Variants in COL27A1 observed in about 807,000 individuals in gnomAD.
COL27A1 encodes the protein collagen alpha-1(XXVII) chain.
COL27A1 carries 106 observed loss-of-function variants against 251.3 expected under a neutral mutation model. The ratio of observed to expected loss-of-function variants is 0.42; its 90% CI spans 0.36 to 0.50. The LOEUF (loss-of-function observed/expected upper bound fraction) is 0.50, where lower values mean the gene tolerates loss of function less well. Among genes scored for constraint, COL27A1 ranks in the 20% least tolerant of loss-of-function variants. The probability of loss-of-function intolerance (pLI) is 0.00; values close to 1 mark genes in which losing one functional copy is unlikely to be tolerated. For missense variants in COL27A1, 2,325 were observed against 2,522.8 expected, an observed-to-expected ratio of 0.92 and a Z score of 1.68; for synonymous variants, 1,000 against 986.3, an observed-to-expected ratio of 1.01 and a Z score of -0.26.
intron 19 of COL27A1, among the ~76,000 whole-genome samples, chr9:114,239,626 A>G (rs1023410275): frequency 1.3e-5 from 2 of 152,196 alleles, no homozygotes; most frequent in Admixed American, 6.5e-5. Flanking sequence ...ATGTGGGAAG[A>G]ACCTTCTATT....
At position 114,290,916 on chromosome 9, in the gene COL27A1, A is replaced by C; in HGVS notation, c.4475A>C (p.Lys1492Thr). Reference protein sequence around the residue: ...LPGAQGPPGFKGESGLPGQLG... With the variant: ...LPGAQGPPGFTGESGLPGQLG... ...GGAGCACAGGGACCCCCAGGATTCA[A>C]GGTCAGATACCTCTTAATACACTTA... The change falls in exon 48 of 61, where the codon AAG becomes ACG. Residue 1492 changes from lysine (K) to threonine (T), a missense_variant and splice_region_variant. This residue lies in a region of COL27A1 where 153 missense variants were observed against 140.7 expected (regional missense o/e 1.09). Coordinates refer to ENST00000356083, the MANE Select transcript of COL27A1 (RefSeq NM_032888.4). This position sits in a 1 kb window ranked among gnomAD's most constrained non-coding sequence, Gnocchi z 4.6. The C allele has an allele frequency of 6.5e-7, 1 of 1,549,354 alleles. No individual in the cohort carries two copies. The highest frequency in any genetic ancestry group is 1.4e-5 in the African/African-American group (1 of 73,126).
At chr9:114,209,895 G>A (rs2135329783) in intron 11 of COL27A1, among the ~76,000 whole-genome samples, 167 bp downstream of exon 11, 1 of 152,326 alleles carries the variant, frequency 6.6e-6, no homozygotes, top group South Asian at 2.1e-4. Flanking sequence ...ATGCATTCCA[G>A]GCATAGGGAA....
chr9:114,199,265 C>T (rs1191756614), intron 7 of COL27A1, among the ~76,000 whole-genome samples: 1 of 152,130 alleles, frequency 6.6e-6, no homozygotes, highest in Non-Finnish European at 1.5e-5. Context: ...GAGGGAGGTG[C>T]TACTGGCTTC....
chr9:114,168,503 C>A lies in COL27A1; in HGVS notation c.948C>A (p.Gly316=). Residue 316 remains glycine (G), a synonymous_variant, in exon 3 of 61, where the codon GGC becomes GGA. Transcript: ENST00000356083. ...CTCACCAGCATATGGCGGTGGGAGG[C>A]CCAGCCCAAACCCCGCTGCTACCTG... ...TNPHQHMAVG[G]PAQTPLLPAK... is the part of the protein sequence containing the mutation. The A allele has an allele frequency of 6.2e-7, 1 of 1,613,968 alleles. No homozygotes were observed. The highest frequency in any genetic ancestry group is 8.5e-7 in the Non-Finnish European group (1 of 1,179,898).
chr9:114,281,956 A>G (rs1056875010), intron 37 of COL27A1, among the ~76,000 whole-genome samples: 2 of 152,180 alleles, frequency 1.3e-5, no homozygotes, highest in Admixed American at 6.5e-5. Context: ...GATGCCTAAC[A>G]GTAACCATGA....
intron 23 of COL27A1, among the ~76,000 whole-genome samples, chr9:114,244,069 G>A (rs78898661): frequency 0.067 from 10,178 of 152,082 alleles, 861 homozygotes; most frequent in East Asian, 0.48. Context: ...GGGACTACAG[G>A]TGTGCAGCAC....
intron 59 of COL27A1, 37 bp from the exon 60 acceptor site, chr9:114,309,223 G>T: frequency 6.3e-7 from 1 of 1,584,570 alleles, no homozygotes. Context: ...GGTGTGGGGG[G>T]CAGCCTGAGC....
chr9:114,258,472 C>G, intron 27 of COL27A1, 69 bp from the exon 28 acceptor site: 1 of 1,493,066 alleles, frequency 6.7e-7, no homozygotes, highest in Non-Finnish European at 9.2e-7. Flanking sequence ...TTGCCCCACA[C>G]TCCCAGCCCC....
chr9:114,226,901 T>C lies in COL27A1; in HGVS notation c.2467-4178T>C, dbSNP rs542863234. Among the ~76,000 whole-genome samples the C allele has an allele frequency of 2.0e-5, 3 of 152,250 alleles. No homozygotes were observed. The East Asian group carries it at 5.8e-4, about 29-fold the overall frequency. On this transcript the variant is annotated intron_variant, in intron 14 of 60. Transcript: ENST00000356083. ...AGGCACACGCAGAAAGGATGGTCAG[T>C]GTCAGAAGGGCCCTGAGCGAGAGGC...
At chr9:114,247,518 G>T (rs948779106) in intron 24 of COL27A1, among the ~76,000 whole-genome samples, 3 of 152,228 alleles carry the variant, frequency 2.0e-5, no homozygotes, top group African/African-American at 7.2e-5. Flanking sequence ...TTGGCAATCT[G>T]GGATTTATGG....
At chr9:114,275,025 A>C (rs879283273) in intron 36 of COL27A1, among the ~76,000 whole-genome samples, 2 of 149,218 alleles carry the variant, frequency 1.3e-5, no homozygotes, top group Non-Finnish European at 3.0e-5. Context: ...CAGCAGTTGG[A>C]GACCAGCCTG....
Position 114,275,681 on chromosome 9 carries a change from G to C in COL27A1, c.3630G>C (p.Gly1210=), listed in dbSNP as rs756863578. The C allele has an allele frequency of 7.7e-6, 12 of 1,550,134 alleles. No individual in the cohort carries two copies. The Admixed American group carries it at 2.0e-4, about 25-fold the overall frequency. ...CCCAGGGGGACAGGGGAGACCCAGG[G>C]CCTGATGGAGAACATGGCGAGAAAG... is the stretch of plus-strand genomic sequence containing the variant. ...DGLKGDRGDP[G]PDGEHGEKGQ... Residue 1210 remains glycine, a synonymous_variant, in exon 37 of 61, where the codon GGG becomes GGC. Coordinates refer to ENST00000356083, the MANE Select transcript of COL27A1 (RefSeq NM_032888.4).
intron 15 of COL27A1, 119 bp from the exon 16 acceptor site, chr9:114,231,703 T>G: frequency 1.0e-6 from 1 of 982,798 alleles, no homozygotes; most frequent in South Asian, 1.4e-5. Flanking sequence ...TTTACAGATG[T>G]GAACACTGAG....
At chr9:114,159,741 A>G (rs1472475917) in intron 1 of COL27A1, among the ~76,000 whole-genome samples, 1 of 152,226 alleles carries the variant, frequency 6.6e-6, no homozygotes, top group Non-Finnish European at 1.5e-5. Flanking sequence ...CCTAGAAAGC[A>G]TGTCCCTGGT....
intron 52 of COL27A1, 61 bp from the exon 53 acceptor site, chr9:114,301,223 C>T: frequency 6.2e-7 from 1 of 1,610,018 alleles, no homozygotes; most frequent in Non-Finnish European, 8.5e-7. Context: ...CCTCAGTTTC[C>T]TCATCTGGAA....
intron 41 of COL27A1, among the ~76,000 whole-genome samples, chr9:114,286,249 A>G (rs1030065831): frequency 6.6e-6 from 1 of 152,132 alleles, no homozygotes; most frequent in African/African-American, 2.4e-5. Context: ...CCCATTGAGC[A>G]CACGCCCACG....
chr9:114,263,061 C>T (rs538580314), intron 28 of COL27A1, among the ~76,000 whole-genome samples: 1 of 151,200 alleles, frequency 6.6e-6, no homozygotes, highest in East Asian at 2.0e-4. Context: ...ACTTCAGCCG[C>T]CTGAGTAGCT....
chr9:114,181,768 T>A (rs1000556911), intron 4 of COL27A1, among the ~76,000 whole-genome samples: 10 of 151,988 alleles, frequency 6.6e-5, no homozygotes, highest in African/African-American at 1.9e-4. Context: ...CCTGGGAAAA[T>A]CCAGCGCCAT....
At chr9:114,166,398 C>CCATCCATCCATCCAT (rs1347413059) in intron 2 of COL27A1, among the ~76,000 whole-genome samples, 13,491 of 144,490 alleles carry the variant, frequency 0.093, 902 homozygotes, top group East Asian at 0.3. Context: ...CATCCATCCA[C>CCATCCATCCATCCAT]CCACCCACCT....
Sources: allele counts gnomAD v4.1 joint callset (sites outside exome capture counted in the v4.1 genomes callset), GRCh38; gene constraint gnomAD v4.1.1; regional missense constraint gnomAD v4.1.1; non-coding constraint Gnocchi (gnomAD v3.1); transcripts MANE v1.5; gene names NCBI Gene and HGNC (gene_info 2026-07-23, HGNC 2026-07-21).